Variants in ZNHIT3 observed in about 807,000 individuals in gnomAD.
The protein encoded by ZNHIT3 is zinc finger HIT domain-containing protein 3.
ZNHIT3 carries 27 observed loss-of-function variants against 19.9 expected under a neutral mutation model. That is an observed-to-expected ratio of 1.36 (90% confidence interval 1.00 to 1.87). ZNHIT3 has a LOEUF of 1.87. Ranked by LOEUF, ZNHIT3 falls within the 40% of genes most tolerant of loss-of-function variation. ZNHIT3 has a pLI of 0.00. For synonymous variants in ZNHIT3, 81 were observed against 65.7 expected, an observed-to-expected ratio of 1.23 and a Z score of -1.13; for missense variants, 215 against 185.6, an observed-to-expected ratio of 1.16 and a Z score of -0.92.
chr17:36,496,013 TTTC>T, downstream of ZNHIT3: 1 of 780,090 alleles, frequency 1.3e-6, no homozygotes, highest in Non-Finnish European at 1.9e-6. Context: ...GGCCCTGATG[TTTC>T]TTAACCCTGA....
At chr17:36,497,538 C>G (rs564950763), downstream of ZNHIT3, 1 of 984,614 alleles carries the variant, frequency 1.0e-6, no homozygotes, top group African/African-American at 1.7e-5. Flanking sequence ...TGCTATGTCT[C>G]GTGAATTTTT....
At chr17:36,487,286 A>C (rs1330778139) in intron 2 of ZNHIT3, among the ~76,000 whole-genome samples, 2 of 152,196 alleles carry the variant, frequency 1.3e-5, no homozygotes, top group Non-Finnish European at 2.9e-5. Flanking sequence ...GGTCTACCCT[A>C]GCAGTTTCTT....
chr17:36,488,035 T>C (rs555333150), intron 2 of ZNHIT3, among the ~76,000 whole-genome samples: 2 of 147,068 alleles, frequency 1.4e-5, no homozygotes. Context: ...GAGGAGGAGG[T>C]TGCAGTGAGC....
At position 36,495,526 on chromosome 17, in the gene ZNHIT3, AT is replaced by A; in HGVS notation, c.*124del. On this transcript the variant is annotated 3_prime_UTR_variant, in exon 5 of 5. Coordinates refer to ENST00000617429, the MANE Select transcript of ZNHIT3 (RefSeq NM_004773.4). ...GGCAAAAGAGGTTTCCAGGATGCAGATTAGGTCATGCAGGCCTTTACCGGCA... is the reference window on the plus strand; with the variant it reads ...GGCAAAAGAGGTTTCCAGGATGCAGATAGGTCATGCAGGCCTTTACCGGCA... The A allele has an allele frequency of 7.2e-7, 1 of 1,385,188 alleles. No individual in the cohort carries two copies. The highest frequency in any genetic ancestry group is 2.7e-5 in the East Asian group (1 of 36,974). The allele number at this position is 1,385,188 out of a possible 1,614,324, so 85.8% of individuals were successfully genotyped here.
chr17:36,498,418 C>T, downstream of ZNHIT3: 2 of 1,614,038 alleles, frequency 1.2e-6, no homozygotes, highest in Non-Finnish European at 1.7e-6. Flanking sequence ...TTGGCCAGGA[C>T]CAGTCCCAGG....
At chr17:36,488,215 C>G (rs2070631404) in intron 2 of ZNHIT3, among the ~76,000 whole-genome samples, 1 of 151,498 alleles carries the variant, frequency 6.6e-6, no homozygotes, top group African/African-American at 2.4e-5. Context: ...ACCCAACATC[C>G]TCATTTGAGT....
intron 3 of ZNHIT3, 63 bp downstream of exon 3, chr17:36,492,962 G>T: frequency 6.2e-6 from 9 of 1,445,870 alleles, no homozygotes; most frequent in Non-Finnish European, 8.8e-6. Context: ...CGAAGGAAAA[G>T]GGGAGAGTGG....
downstream of ZNHIT3, chr17:36,498,288 G>A (rs766196541): frequency 2.2e-5 from 35 of 1,612,608 alleles, no homozygotes; most frequent in African/African-American, 3.5e-4. Flanking sequence ...TCGGATGGAC[G>A]TGACACCAGC....
chr17:36,492,505 T>G (rs577039506), intron 2 of ZNHIT3: 1 of 329,364 alleles, frequency 3.0e-6, no homozygotes, highest in East Asian at 5.6e-5. Flanking sequence ...CCATCTGGTA[T>G]CTGGTTTACA....
Position 36,486,803 on chromosome 17 carries a change from G to A in ZNHIT3, c.86+18G>A. The A allele has an allele frequency of 2.5e-6, 4 of 1,609,710 alleles. No homozygotes were observed. ...GTGCCCTAGTGAGCGGGGAGGTCGC[G>A]GGGTCCAGGGGCGCGGGTGTCCGGC... On this transcript the variant is annotated intron_variant, in intron 1 of 4. Coordinates refer to ENST00000617429, the MANE Select transcript of ZNHIT3 (RefSeq NM_004773.4).
chr17:36,488,694 G>T (rs2070650075), intron 2 of ZNHIT3, among the ~76,000 whole-genome samples: 1 of 152,090 alleles, frequency 6.6e-6, no homozygotes, highest in African/African-American at 2.4e-5. Flanking sequence ...TTTAATATTT[G>T]TTTTTAATTG....
downstream of ZNHIT3, chr17:36,498,024 A>G: frequency 1.9e-6 from 1 of 516,938 alleles, no homozygotes; most frequent in Middle Eastern, 5.1e-4. Flanking sequence ...TAGAAGATTT[A>G]GAGATGCTGA....
intron 3 of ZNHIT3, chr17:36,493,292 G>A: frequency 4.2e-6 from 1 of 239,394 alleles, no homozygotes; most frequent in Non-Finnish European, 8.1e-6. Context: ...TCATCTCGCT[G>A]CTGCTGGGGG....
intron 2 of ZNHIT3, 96 bp downstream of exon 2, chr17:36,487,062 TC>T: frequency 6.6e-7 from 1 of 1,514,848 alleles, no homozygotes; most frequent in Non-Finnish European, 8.9e-7. Context: ...GGGCTGCGCT[TC>T]CTTTCCCGCC....
downstream of ZNHIT3, chr17:36,498,581 T>C (rs77323467): frequency 6.3e-4 from 1,007 of 1,592,138 alleles, 5 homozygotes; most frequent in African/African-American, 0.012. Context: ...AATATCCCTT[T>C]ATAGCTTTAG....
chr17:36,488,093 C>T (rs1212968865), intron 2 of ZNHIT3, among the ~76,000 whole-genome samples: 1 of 85,012 alleles, frequency 1.2e-5, no homozygotes, highest in Non-Finnish European at 2.4e-5. Flanking sequence ...AAGACTGTCT[C>T]AAAAAAAAAA....
At chr17:36,498,424 C>G (rs1205760148), downstream of ZNHIT3, 11 of 1,614,014 alleles carry the variant, frequency 6.8e-6, no homozygotes, top group Non-Finnish European at 7.6e-6. Flanking sequence ...AGGACCAGTC[C>G]CAGGGGCCAG....
intron 4 of ZNHIT3, among the ~76,000 whole-genome samples, chr17:36,494,280 T>C (rs1836718764): frequency 6.6e-6 from 1 of 152,260 alleles, no homozygotes; most frequent in African/African-American, 2.4e-5. Context: ...AAGCTTTTCT[T>C]GACCTTTTGT....
chr17:36,498,560 C>A, downstream of ZNHIT3: 1 of 1,606,088 alleles, frequency 6.2e-7, no homozygotes, highest in Admixed American at 1.7e-5. Context: ...CCATTCTGAT[C>A]TTAAAAAGCA....
Sources: allele counts gnomAD v4.1 joint callset (sites outside exome capture counted in the v4.1 genomes callset), GRCh38; gene constraint gnomAD v4.1.1; transcripts MANE v1.5; gene names NCBI Gene and HGNC (gene_info 2026-07-23, HGNC 2026-07-21).